PRELID2: variants seen among roughly 807,000 people sequenced by gnomAD.
PRELID2 encodes the protein PRELI domain containing 2.
Under a neutral mutation model 28.4 loss-of-function variants are expected in PRELID2, and 25 were observed. The ratio of observed to expected loss-of-function variants is 0.88; its 90% CI spans 0.64 to 1.23. PRELID2 has a LOEUF of 1.23. Among genes scored for constraint, PRELID2 ranks in the 50% most tolerant of loss-of-function variants. The pLI, the probability that PRELID2 is intolerant of heterozygous loss-of-function variation, is 0.00. For synonymous variants in PRELID2, 76 were observed against 71.6 expected (o/e 1.06, Z -0.31); for missense variants, 201 against 214.4 (o/e 0.94, Z 0.39).
intron 1 of PRELID2, among the ~76,000 whole-genome samples, chr5:145,657,509 G>A (rs2149675057): frequency 6.6e-6 from 1 of 152,112 alleles, no homozygotes; most frequent in South Asian, 2.1e-4. Context: ...CATGGAAAAA[G>A]CCTGTCTTCA....
chr5:145,472,854 G>C (rs1379204927), intron 2 of PRELID2, among the ~76,000 whole-genome samples: 1 of 152,124 alleles, frequency 6.6e-6, no homozygotes, highest in African/African-American at 2.4e-5. Flanking sequence ...GGTCTGATAA[G>C]TATAGAGTCA....
intron 5 of PRELID2, among the ~76,000 whole-genome samples, chr5:145,778,082 T>C (rs1758529912): frequency 6.6e-6 from 1 of 152,070 alleles, no homozygotes; most frequent in African/African-American, 2.4e-5. Flanking sequence ...TTGTGTGCCT[T>C]TTCTTGGCCT....
intron 1 of PRELID2, among the ~76,000 whole-genome samples, chr5:145,579,560 C>A (rs1193317699): frequency 1.3e-5 from 2 of 152,188 alleles, no homozygotes; most frequent in African/African-American, 4.8e-5. Context: ...ACTATGTGGC[C>A]TGCATCCATT....
In PRELID2 at chr5:145,505,473, T is replaced by C. The variant is rs182335761; in HGVS notation, n.71-32158A>G. On this transcript the variant is annotated intron_variant and non_coding_transcript_variant, in intron 1 of 2. Transcript: ENST00000510259. The stretch of plus-strand genomic sequence containing the variant: ...CCCTGAACATCTTTTTCTTGATTAC[T>C]ATAATAACCTCTCATCTGATCTTCC... Among the ~76,000 whole-genome samples, 231 of 152,316 alleles carry C rather than the reference T, an allele frequency of 1.5e-3. 3 individuals carry two copies. The highest frequency in any genetic ancestry group is 4.3e-4 in the Non-Finnish European group (29 of 68,012).
At chr5:145,768,655 C>T (rs1429690068) in intron 5 of PRELID2, among the ~76,000 whole-genome samples, 1 of 152,198 alleles carries the variant, frequency 6.6e-6, no homozygotes, top group Non-Finnish European at 1.5e-5. Flanking sequence ...AAAGCACACT[C>T]CTTCCCTAGG....
In PRELID2 at chr5:145,681,189, G is replaced by A. The variant is rs1234425859; in HGVS notation, n.70+83742C>T. Among the ~76,000 whole-genome samples, 8 of 152,152 alleles carry A rather than the reference G, an allele frequency of 5.3e-5. 1 individual carries two copies. Among genetic ancestry groups the A allele is most frequent in the African/African-American group, 1.9e-4 (8 of 41,434 alleles). ...TTCCAAAATCGTAATGTCCACAGTAGGCAGGAAACAGGGAGGCACGAGCGA... is the reference window on the plus strand; with the variant it reads ...TTCCAAAATCGTAATGTCCACAGTAAGCAGGAAACAGGGAGGCACGAGCGA... On this transcript the variant is annotated intron_variant and non_coding_transcript_variant, in intron 1 of 2. Transcript: ENST00000510259.
At chr5:145,243,386 T>A in the PRELID2 span, among the ~76,000 whole-genome samples, 2 of 151,932 alleles carry the variant, frequency 1.3e-5, no homozygotes, top group Admixed American at 6.6e-5. Flanking sequence ...GTTAACAGAA[T>A]GAAAAGGGAA....
chr5:145,712,666 C>G (rs144490604), intron 1 of PRELID2, among the ~76,000 whole-genome samples: 1 of 151,942 alleles, frequency 6.6e-6, no homozygotes, highest in African/African-American at 2.4e-5. Flanking sequence ...GAAAAAGCAA[C>G]AAAATGTAGC....
chr5:145,366,608 T>G, the PRELID2 span, among the ~76,000 whole-genome samples: 1 of 151,872 alleles, frequency 6.6e-6, no homozygotes, highest in Non-Finnish European at 1.5e-5. Flanking sequence ...TATTAAAATT[T>G]ATTTTCTCAT....
At chr5:145,752,367 A>T (rs1757145262), downstream of PRELID2, among the ~76,000 whole-genome samples, 1 of 152,230 alleles carries the variant, frequency 6.6e-6, no homozygotes, top group Non-Finnish European at 1.5e-5. Flanking sequence ...AATCTGATGC[A>T]TACTGTTTAA....
At chr5:145,352,223 C>G in the PRELID2 span, among the ~76,000 whole-genome samples, 2 of 152,204 alleles carry the variant, frequency 1.3e-5, no homozygotes, top group Non-Finnish European at 2.9e-5. Context: ...CACAGGTTCT[C>G]CATGAGGGCC....
At chr5:145,345,453 C>T in the PRELID2 span, among the ~76,000 whole-genome samples, 5 of 152,022 alleles carry the variant, frequency 3.3e-5, no homozygotes, top group East Asian at 9.7e-4. Context: ...ATGTTCCTCC[C>T]TCTCTAGAAA....
At chr5:145,800,393 A>C (rs764966208) in intron 4 of PRELID2, among the ~76,000 whole-genome samples, 6 of 151,776 alleles carry the variant, frequency 4.0e-5, no homozygotes, top group Admixed American at 1.3e-4. Flanking sequence ...TTCACCCCTT[A>C]GATTTAAGCC....
the PRELID2 span, among the ~76,000 whole-genome samples, chr5:145,421,339 T>A: frequency 1.3e-5 from 2 of 150,630 alleles, no homozygotes; most frequent in Non-Finnish European, 3.0e-5. Context: ...TCTGGTAGAA[T>A]TCGGCTGTGA....
intron 1 of PRELID2, among the ~76,000 whole-genome samples, chr5:145,478,488 T>G (rs953109671): frequency 6.6e-6 from 1 of 151,818 alleles, no homozygotes; most frequent in African/African-American, 2.4e-5. Flanking sequence ...GAGGCAGAGG[T>G]TGCAGTGAGC....
At chr5:145,677,891 G>A (rs1190610557) in intron 1 of PRELID2, among the ~76,000 whole-genome samples, 1 of 151,954 alleles carries the variant, frequency 6.6e-6, no homozygotes, top group Non-Finnish European at 1.5e-5. Context: ...CGGTGGGTGG[G>A]GTGCATTTTA....
the PRELID2 span, among the ~76,000 whole-genome samples, chr5:145,392,672 A>T: frequency 6.6e-6 from 1 of 152,064 alleles, no homozygotes; most frequent in South Asian, 2.1e-4. Flanking sequence ...ATAATGAAAG[A>T]GAAAGAAAGA....
intron 5 of PRELID2, among the ~76,000 whole-genome samples, chr5:145,783,454 G>A (rs1751766849): frequency 6.6e-6 from 1 of 152,236 alleles, no homozygotes; most frequent in South Asian, 2.1e-4. Context: ...GGCTGATGGG[G>A]AAGGAGATGT....
intron 1 of PRELID2, among the ~76,000 whole-genome samples, chr5:145,516,394 C>A (rs1265849774): frequency 1.3e-5 from 2 of 152,080 alleles, no homozygotes; most frequent in Admixed American, 1.3e-4. Context: ...ACAATTACTA[C>A]AAAGGGAATA....
Sources: allele counts gnomAD v4.1 joint callset (sites outside exome capture counted in the v4.1 genomes callset), GRCh38; gene constraint gnomAD v4.1.1; transcripts MANE v1.5; gene names NCBI Gene and HGNC (gene_info 2026-07-23, HGNC 2026-07-21).